The following EMX1 variants were observed in gnomAD, a reference collection of about 807,000 sequenced individuals.
The protein encoded by EMX1 is homeobox protein EMX1.
In EMX1, 10 loss-of-function variants were observed where a neutral mutation model predicts 20.1. That is an observed-to-expected ratio of 0.50 (90% confidence interval 0.31 to 0.84). The LOEUF is 0.84. Among genes scored for constraint, EMX1 ranks in the 40% least tolerant of loss-of-function variants. The pLI is 0.05. For missense variants in EMX1, 424 were observed against 431.9 expected (o/e 0.98, Z 0.16); for synonymous variants, 250 against 200.4 (o/e 1.25, Z -2.09).
At chr2:72,916,737 C>G (rs1670969154), upstream of EMX1, 16 of 717,292 alleles carry the variant, frequency 2.2e-5, no homozygotes, top group Non-Finnish European at 3.9e-5. Context: ...TCTCCGAGGC[C>G]CTGACCTGGT....
At chr2:72,917,150 C>A, upstream of EMX1, 1 of 612,510 alleles carries the variant, frequency 1.6e-6, no homozygotes, top group Admixed American at 2.9e-5. Flanking sequence ...ATCCACCCTC[C>A]GCTCGGATCC....
chr2:72,934,716 G>C lies in EMX1; in HGVS notation c.*762G>C, dbSNP rs1671337292. 1 of 152,218 alleles carries C rather than the reference G, an allele frequency of 6.6e-6. No homozygotes were observed. The highest frequency in any genetic ancestry group is 2.1e-4 in the South Asian group (1 of 4,832). 9.4% of individuals were successfully genotyped at this position (152,218 alleles called of 1,614,324 possible). ...GGCTTCTCCAGTTGAGGAGAAACCA[G>C]AGGAAAGGGGAGGATTGGGGTCTGG... is the stretch of plus-strand genomic sequence containing the variant. On this transcript the variant is annotated 3_prime_UTR_variant, in exon 3 of 3. Transcript: ENST00000258106.
chr2:72,925,961 G>A (rs1292629491), intron 2 of EMX1: 1 of 985,230 alleles, frequency 1.0e-6, no homozygotes. Flanking sequence ...TTCAAAGAAA[G>A]ATGTGTTTTT....
chr2:72,927,049 C>T (rs1042196738), intron 2 of EMX1, among the ~76,000 whole-genome samples: 7 of 152,082 alleles, frequency 4.6e-5, no homozygotes, highest in African/African-American at 1.7e-4. Flanking sequence ...CTAATCTGTC[C>T]CACCCCGTAG....
At chr2:72,924,135 G>C (rs1397573708) in intron 1 of EMX1, 174 bp from the exon 2 acceptor site, 1 of 773,684 alleles carries the variant, frequency 1.3e-6, no homozygotes, top group Non-Finnish European at 2.1e-6. Flanking sequence ...TGGACTTAGG[G>C]AAGGGGCGGC....
At chr2:72,916,334 G>T (rs2105257688), upstream of EMX1, 1 of 313,170 alleles carries the variant, frequency 3.2e-6, no homozygotes, top group South Asian at 3.2e-5. Flanking sequence ...CCCAGGCAGC[G>T]CTCAGGCCGC....
chr2:72,929,292 TC>T (rs1477522090), intron 2 of EMX1, among the ~76,000 whole-genome samples: 1 of 152,136 alleles, frequency 6.6e-6, no homozygotes, highest in Admixed American at 6.5e-5. Context: ...GACCAACATG[TC>T]CTGAGGTGAA....
chr2:72,934,585 A>G lies in EMX1; in HGVS notation c.*631A>G. 1 of 152,580 alleles carries G rather than the reference A, an allele frequency of 6.6e-6. No individual in the cohort carries two copies. Among genetic ancestry groups the G allele is most frequent in the Non-Finnish European group, 1.5e-5 (1 of 68,282 alleles). The allele number at this position is 152,580 out of a possible 1,614,324, so 9.5% of individuals were successfully genotyped here. A position where few individuals can be genotyped will look rare whatever the true frequency, so the allele number is the denominator to read the frequency against. On this transcript the variant is annotated 3_prime_UTR_variant, in exon 3 of 3. Transcript: ENST00000258106. ...TAGGGAAGGGCCATCCTGTATCTTG[A>G]GGGAGGACAGGCCCAGGTCTTTCTT...
chr2:72,916,325 C>CGAGGCAGCGCT (rs1670961057), upstream of EMX1: 1 of 294,306 alleles, frequency 3.4e-6, no homozygotes, highest in African/African-American at 2.3e-5. Context: ...ATCTGCGCGC[C>CGAGGCAGCGCT]CAGGCAGCGC....
chr2:72,928,433 C>T (rs1339951997), intron 2 of EMX1, among the ~76,000 whole-genome samples: 2 of 152,162 alleles, frequency 1.3e-5, no homozygotes. Flanking sequence ...CATAGGTACA[C>T]ATTAGATGCC....
Position 72,924,332 on chromosome 2 carries a change from C to T in EMX1, c.544C>T (p.Leu182=), listed in dbSNP as rs201213426. ...FQASDVPQDG[L]LLHGPFARKP... is the part of the protein sequence containing the mutation. ...AGCCAGCGACGTGCCCCAGGACGGGCTGCTTCTGCACGGCCCCTTCGCACG... is the reference window on the plus strand; with the variant it reads ...AGCCAGCGACGTGCCCCAGGACGGGTTGCTTCTGCACGGCCCCTTCGCACG... The change falls in exon 2 of 3, where the codon CTG becomes TTG. Residue 182 remains leucine (L), a synonymous_variant. Transcript: ENST00000258106. 1,057 of 1,575,262 alleles carry T rather than the reference C, an allele frequency of 6.7e-4. 14 individuals carry two copies. Among genetic ancestry groups the T allele is most frequent in the Admixed American group, 3.5e-4 (19 of 54,392 alleles).
At position 72,917,879 on chromosome 2, in the gene EMX1, C is replaced by T; in HGVS notation, c.27C>T (p.Arg9=). 1 of 1,478,248 alleles carries T rather than the reference C, an allele frequency of 6.8e-7. No homozygotes were observed. Among genetic ancestry groups the T allele is most frequent in the South Asian group, 1.3e-5 (1 of 78,676 alleles). 91.6% of individuals were successfully genotyped at this position (1,478,248 alleles called of 1,614,324 possible). The change falls in exon 1 of 3, where the codon CGC becomes CGT. Residue 9 remains arginine, a synonymous_variant. Coordinates refer to ENST00000258106, the MANE Select transcript of EMX1 (RefSeq NM_004097.3). MCLAGCTP[R]KAAAPGRGAL... is the part of the protein sequence containing the mutation. ...TGTGCCTGGCTGGGTGCACACCCCG[C>T]AAGGCGGCGGCGCCAGGACGCGGAG...
chr2:72,932,295 C>T (rs1559062004), intron 2 of EMX1, among the ~76,000 whole-genome samples: 1 of 152,238 alleles, frequency 6.6e-6, no homozygotes, highest in African/African-American at 2.4e-5. Flanking sequence ...TTGTAGCCTG[C>T]CCTCTGCACC....
At chr2:72,918,404 C>T (rs1671033447) in intron 1 of EMX1, 32 bp downstream of exon 1, 1 of 1,359,674 alleles carries the variant, frequency 7.4e-7, no homozygotes, top group Non-Finnish European at 9.4e-7. Flanking sequence ...GCCGAGGCGG[C>T]CGGCCGGCGC....
At chr2:72,926,892 C>G (rs1315843534) in intron 2 of EMX1, among the ~76,000 whole-genome samples, 1 of 152,156 alleles carries the variant, frequency 6.6e-6, no homozygotes, top group African/African-American at 2.4e-5. Context: ...ATATAATTAG[C>G]TACTTCTCTA....
Position 72,934,237 on chromosome 2 carries a change from C to G in EMX1, c.*283C>G, listed in dbSNP as rs1671330467. The G allele has an allele frequency of 4.5e-6, 2 of 445,824 alleles. No homozygotes were observed. Among genetic ancestry groups the G allele is most frequent in the Non-Finnish European group, 4.0e-6 (1 of 250,100 alleles). 27.6% of individuals were successfully genotyped at this position (445,824 alleles called of 1,614,324 possible). ...GCTGCTCTCCGTGTCTCCAATCTCC[C>G]TTTTGTTTTGATGCATTTCTGTTTT... On this transcript the variant is annotated 3_prime_UTR_variant, in exon 3 of 3. Coordinates refer to ENST00000258106, the MANE Select transcript of EMX1 (RefSeq NM_004097.3).
chr2:72,925,629 G>A, intron 2 of EMX1: 1 of 1,208,498 alleles, frequency 8.3e-7, no homozygotes, highest in South Asian at 1.4e-5. Context: ...CTACACCACC[G>A]TCCCCTCCCA....
chr2:72,925,491 G>A (rs773840313), intron 2 of EMX1: 2 of 1,289,028 alleles, frequency 1.6e-6, no homozygotes, highest in South Asian at 1.2e-5. Flanking sequence ...TGCTGCCCTG[G>A]AGGTGGATTT....
chr2:72,924,702 C>T (rs1671165136), intron 2 of EMX1, among the ~76,000 whole-genome samples: 2 of 152,258 alleles, frequency 1.3e-5, no homozygotes, highest in South Asian at 2.1e-4. Context: ...GGACTTTTGT[C>T]AAGCGCTAAA....
Sources: allele counts gnomAD v4.1 joint callset (sites outside exome capture counted in the v4.1 genomes callset), GRCh38; gene constraint gnomAD v4.1.1; transcripts MANE v1.5; gene names NCBI Gene and HGNC (gene_info 2026-07-23, HGNC 2026-07-21).